The following MRPS35 variants were observed in gnomAD, a reference collection of about 807,000 sequenced individuals.
MRPS35 encodes the protein mitochondrial ribosomal protein S35.
In MRPS35, 29 loss-of-function variants were observed where a neutral mutation model predicts 32.7. That is an observed-to-expected ratio of 0.89 (90% CI 0.66 to 1.21). The LOEUF is 1.21. Ranked by LOEUF, MRPS35 falls within the 50% of genes most tolerant of loss-of-function variation. The pLI is 0.00. For missense variants in MRPS35, 373 were observed against 383.8 expected (o/e 0.97, Z 0.23); for synonymous variants, 148 against 139.3 (o/e 1.06, Z -0.44).
intron 4 of MRPS35, among the ~76,000 whole-genome samples, chr12:27,721,763 C>T (rs1374050984): frequency 6.6e-6 from 1 of 152,210 alleles, no homozygotes; most frequent in African/African-American, 2.4e-5. Flanking sequence ...TGGCATTGCA[C>T]TGTGAAAAAT....
intron 5 of MRPS35, among the ~76,000 whole-genome samples, chr12:27,731,578 T>G (rs2061922174): frequency 6.6e-6 from 1 of 152,206 alleles, no homozygotes; most frequent in Admixed American, 6.5e-5. Context: ...AATATAACTT[T>G]ATTTTTTTGA....
chr12:27,746,354 G>T (rs1445950167), intron 7 of MRPS35, among the ~76,000 whole-genome samples: 2 of 152,170 alleles, frequency 1.3e-5, no homozygotes, highest in Non-Finnish European at 2.9e-5. Flanking sequence ...GCTCAAAAGA[G>T]CGTTTCACAT....
intron 3 of MRPS35, among the ~76,000 whole-genome samples, chr12:27,717,575 A>G (rs1183405538): frequency 6.6e-6 from 1 of 152,238 alleles, no homozygotes; most frequent in Non-Finnish European, 1.5e-5. Flanking sequence ...AAAGGTGATG[A>G]GAACAGGGAG....
chr12:27,743,748 A>T (rs2061972291), intron 7 of MRPS35, among the ~76,000 whole-genome samples: 1 of 152,180 alleles, frequency 6.6e-6, no homozygotes, highest in Admixed American at 6.5e-5. Flanking sequence ...GGCTTAAATG[A>T]TAGAAATTTA....
At chr12:27,729,482 GT>G (rs1267159546) in intron 5 of MRPS35, among the ~76,000 whole-genome samples, 2 of 152,072 alleles carry the variant, frequency 1.3e-5, no homozygotes, top group Non-Finnish European at 2.9e-5. Flanking sequence ...TATTTCTGTA[GT>G]TCCTTATGCT....
intron 7 of MRPS35, among the ~76,000 whole-genome samples, chr12:27,748,188 C>A (rs1407339020): frequency 1.3e-5 from 2 of 152,186 alleles, no homozygotes; most frequent in Non-Finnish European, 2.9e-5. Context: ...GATGCTTCTC[C>A]TCTACGGGGA....
intron 7 of MRPS35, among the ~76,000 whole-genome samples, chr12:27,744,211 T>C (rs1035868920): frequency 3.9e-5 from 6 of 152,200 alleles, no homozygotes; most frequent in Non-Finnish European, 8.8e-5. Flanking sequence ...TTTCTAACTT[T>C]AGGGCCTCAT....
intron 1 of MRPS35, among the ~76,000 whole-genome samples, chr12:27,712,273 TAGAGG>T (rs1425576779): frequency 6.6e-6 from 1 of 151,952 alleles, no homozygotes; most frequent in Non-Finnish European, 1.5e-5. Flanking sequence ...TAAGTGTGAG[TAGAGG>T]AGAGAGTGGT....
At chr12:27,717,112 G>A (rs1349802863) in intron 3 of MRPS35, among the ~76,000 whole-genome samples, 2 of 152,010 alleles carry the variant, frequency 1.3e-5, no homozygotes, top group Non-Finnish European at 2.9e-5. Flanking sequence ...GAACTCCTGG[G>A]CTCAAGAGAC....
chr12:27,725,830 G>A (rs1187670185), intron 5 of MRPS35, among the ~76,000 whole-genome samples: 3 of 133,072 alleles, frequency 2.3e-5, no homozygotes, highest in East Asian at 2.2e-4. Context: ...TTTTGAGACA[G>A]GGTCTTACCC....
In MRPS35 at chr12:27,755,336, T is replaced by C. The variant is rs1330042718; in HGVS notation, c.858T>C (p.Thr286=). 6.2e-7 allele frequency: 1 copy of C among 1,610,760 alleles called. No individual in the cohort carries two copies. The highest frequency in any genetic ancestry group is 1.1e-5 in the South Asian group (1 of 89,614). ...TAAATAAAGAAGAGCTCCTTGGTACTAAAGAAATTGAAGAGTACAAAAAGT... is the reference window on the plus strand; with the variant it reads ...TAAATAAAGAAGAGCTCCTTGGTACCAAAGAAATTGAAGAGTACAAAAAGT... ...MEINKEELLG[T]KEIEEYKKSV... The change falls in exon 8 of 8, where the codon ACT becomes ACC. Residue 286 remains threonine, a synonymous_variant. Transcript: ENST00000081029.
chr12:27,717,152 G>C (rs532862938), intron 3 of MRPS35, among the ~76,000 whole-genome samples: 8 of 151,796 alleles, frequency 5.3e-5, no homozygotes, highest in African/African-American at 1.9e-4. Context: ...AAAGTGCTGG[G>C]ATTACAGGTG....
chr12:27,716,410 A>C lies in MRPS35; in HGVS notation c.273A>C (p.Val91=), dbSNP rs762472748. The change falls in exon 3 of 8, where the codon GTA becomes GTC. Residue 91 remains valine, a synonymous_variant. Coordinates refer to ENST00000081029, the MANE Select transcript of MRPS35 (RefSeq NM_021821.4). ...TTCCTGTTCGAATGGGTTATCCAGT[A>C]AAAAAGGGCGTGCCCATGGCAAAGG... The part of the protein sequence containing the change: ...VPLPVRMGYP[V]KKGVPMAKEG... The C allele has an allele frequency of 6.2e-7, 1 of 1,613,976 alleles. No homozygotes were observed. The highest frequency in any genetic ancestry group is 8.5e-7 in the Non-Finnish European group (1 of 1,179,950).
intron 5 of MRPS35, 78 bp downstream of exon 5, chr12:27,724,264 C>T (rs1402440528): frequency 3.9e-6 from 5 of 1,287,290 alleles, no homozygotes; most frequent in Non-Finnish European, 5.1e-6. Flanking sequence ...TGGTGGCTGG[C>T]ACAGTGGCTC....
intron 7 of MRPS35, among the ~76,000 whole-genome samples, chr12:27,751,273 A>G (rs57758360): frequency 0.076 from 11,629 of 152,146 alleles, 1,464 homozygotes; most frequent in African/African-American, 0.26. Flanking sequence ...AATGACTTTA[A>G]ACCATAGTGA....
At chr12:27,720,677 G>A (rs912668043) in intron 4 of MRPS35, among the ~76,000 whole-genome samples, 4 of 151,456 alleles carry the variant, frequency 2.6e-5, no homozygotes, top group Admixed American at 2.0e-4. Context: ...TATACTCTCT[G>A]TAGTGTGTAT....
Position 27,716,351 on chromosome 12 carries a change from G to A in MRPS35, c.214G>A (p.Val72Ile), listed in dbSNP as rs1254741460. 1.9e-6 allele frequency: 3 copies of A among 1,614,024 alleles called. No individual in the cohort carries two copies. Among genetic ancestry groups the A allele is most frequent in the South Asian group, 2.2e-5 (2 of 91,088 alleles). ...CCAGGACTGGCCTAGTGTTTACCCAGTTGCAGCACCATTTAAACCCTCTGC... is the reference window on the plus strand; with the variant it reads ...CCAGGACTGGCCTAGTGTTTACCCAATTGCAGCACCATTTAAACCCTCTGC... ...VDQDWPSVYP[V>I]AAPFKPSAVP... Residue 72 changes from valine to isoleucine, a missense_variant, in exon 3 of 8, where the codon GTT (valine) becomes ATT (isoleucine). Coordinates refer to ENST00000081029, the MANE Select transcript of MRPS35 (RefSeq NM_021821.4).
chr12:27,734,060 C>G (rs1242698706), intron 5 of MRPS35, among the ~76,000 whole-genome samples: 1 of 152,098 alleles, frequency 6.6e-6, no homozygotes, highest in African/African-American at 2.4e-5. Context: ...ACTGTGATGT[C>G]TTGAGGGAAG....
chr12:27,727,024 G>A (rs986799983), intron 5 of MRPS35, among the ~76,000 whole-genome samples: 15 of 142,892 alleles, frequency 1.0e-4, no homozygotes, highest in Admixed American at 3.8e-4. Flanking sequence ...GCAGTGGCTC[G>A]ATCTCAGCTC....
Sources: allele counts gnomAD v4.1 joint callset (sites outside exome capture counted in the v4.1 genomes callset), GRCh38; gene constraint gnomAD v4.1.1; transcripts MANE v1.5; gene names NCBI Gene and HGNC (gene_info 2026-07-23, HGNC 2026-07-21).